Variants in DYM observed in about 807,000 individuals in gnomAD.
DYM encodes dyggve-Melchior-Clausen syndrome protein.
DYM carries 78 observed loss-of-function variants against 93.1 expected under a neutral mutation model. The observed-to-expected ratio is 0.84, with a 90% CI of 0.70 to 1.01. The LOEUF (loss-of-function observed/expected upper bound fraction) is 1.01. Ranked by LOEUF, DYM falls within the 50% of genes least tolerant of loss-of-function variation. The pLI, the probability that DYM is intolerant of heterozygous loss-of-function variation, is 0.00. For synonymous variants in DYM, 321 were observed against 319.7 expected (o/e 1.00, Z -0.04); for missense variants, 789 against 845.0 (o/e 0.93, Z 0.82).
intron 2 of DYM, among the ~76,000 whole-genome samples, chr18:49,405,063 C>T (rs1230668361): frequency 6.6e-6 from 1 of 150,586 alleles, no homozygotes; most frequent in East Asian, 1.9e-4. Context: ...ATTGTCCATT[C>T]ATGCCTTTTC....
At chr18:49,332,935 CAG>C (rs1409774791) in intron 7 of DYM, among the ~76,000 whole-genome samples, 2 of 152,134 alleles carry the variant, frequency 1.3e-5, no homozygotes, top group African/African-American at 4.8e-5. Context: ...GTGTCTCTGT[CAG>C]AGAGGGTTCC....
At chr18:49,224,841 AC>A (rs1232694607) in intron 13 of DYM, among the ~76,000 whole-genome samples, 3 of 152,112 alleles carry the variant, frequency 2.0e-5, no homozygotes, top group Non-Finnish European at 4.4e-5. Flanking sequence ...AGAAATGCCA[AC>A]ATTTAAAGTA....
rs894822664 is a variant in DYM, at chr18:49,040,360, G to C, written c.*3695C>G. Among the ~76,000 whole-genome samples, 2 of 152,136 alleles carry C rather than the reference G, an allele frequency of 1.3e-5. No homozygotes were observed. Among genetic ancestry groups the C allele is most frequent in the Non-Finnish European group, 2.9e-5 (2 of 68,020 alleles). On this transcript the variant is annotated 3_prime_UTR_variant, in exon 18 of 18. Transcript: ENST00000675505. ...AGGGGTTGAGTATGACCTGGCCAAG[G>C]GTCTTGGGGCTACTGGTGAGTCTCC...
chr18:49,444,033 C>A (rs1453749612), intron 1 of DYM, among the ~76,000 whole-genome samples: 1 of 152,112 alleles, frequency 6.6e-6, no homozygotes, highest in Non-Finnish European at 1.5e-5. Context: ...AGATGTGTAA[C>A]AACTGATGGT....
At chr18:49,441,692 G>A (rs1000461750) in intron 1 of DYM, among the ~76,000 whole-genome samples, 6 of 151,950 alleles carry the variant, frequency 3.9e-5, no homozygotes, top group Admixed American at 6.6e-5. Flanking sequence ...TGAACCAGCC[G>A]ACCTGAGGAA....
At chr18:49,364,084 C>T (rs1202236468) in intron 5 of DYM, among the ~76,000 whole-genome samples, 2 of 152,208 alleles carry the variant, frequency 1.3e-5, no homozygotes, top group Non-Finnish European at 2.9e-5. Flanking sequence ...CAGAGTTCCA[C>T]CATTGTCATG....
intron 15 of DYM, among the ~76,000 whole-genome samples, chr18:49,121,156 G>A (rs956039577): frequency 2.0e-5 from 3 of 152,188 alleles, no homozygotes; most frequent in Admixed American, 6.5e-5. Flanking sequence ...TACAAAATTT[G>A]TTTGAATTGA....
At chr18:49,251,454 T>C (rs2094285796) in intron 13 of DYM, among the ~76,000 whole-genome samples, 1 of 152,164 alleles carries the variant, frequency 6.6e-6, no homozygotes, top group Non-Finnish European at 1.5e-5. Flanking sequence ...TAGGTGACTG[T>C]GGTGAGGGCC....
At chr18:49,050,281 G>C (rs777496181) in intron 17 of DYM, among the ~76,000 whole-genome samples, 2 of 151,482 alleles carry the variant, frequency 1.3e-5, no homozygotes, top group Non-Finnish European at 2.9e-5. Flanking sequence ...AGTAGAGACG[G>C]GGTTTCTCCA....
At chr18:49,363,061 A>G (rs1254475606) in intron 6 of DYM, 100 bp downstream of exon 6, 10 of 902,576 alleles carry the variant, frequency 1.1e-5, no homozygotes, top group African/African-American at 6.6e-5. Context: ...AGGCACACAT[A>G]TAAGTTCTAT....
chr18:49,427,657 A>G (rs1163115839), intron 2 of DYM, among the ~76,000 whole-genome samples: 1 of 152,214 alleles, frequency 6.6e-6, no homozygotes, highest in Non-Finnish European at 1.5e-5. Flanking sequence ...AGTGTCTATT[A>G]ATTTCTGAAT....
intron 13 of DYM, among the ~76,000 whole-genome samples, chr18:49,226,681 T>G (rs1163086025): frequency 6.6e-6 from 1 of 152,120 alleles, no homozygotes; most frequent in African/African-American, 2.4e-5. Context: ...TGAAAATAAT[T>G]TATTGATTAG....
chr18:49,323,004 G>A (rs1018675833), intron 8 of DYM, among the ~76,000 whole-genome samples: 1 of 152,146 alleles, frequency 6.6e-6, no homozygotes, highest in Admixed American at 6.5e-5. Context: ...AACATCTACA[G>A]TCCAGTACGT....
intron 15 of DYM, among the ~76,000 whole-genome samples, chr18:49,141,689 C>A (rs559849473): frequency 2.2e-4 from 33 of 152,216 alleles, no homozygotes; most frequent in Non-Finnish European, 4.6e-4. Context: ...AGGATTCTTG[C>A]GATTCTCTTG....
intron 10 of DYM, among the ~76,000 whole-genome samples, chr18:49,280,629 C>T (rs966391215): frequency 3.9e-5 from 6 of 152,154 alleles, no homozygotes; most frequent in Admixed American, 6.6e-5. Flanking sequence ...AGGGACGCTG[C>T]GGTGTCCTGC....
chr18:49,329,759 GAAAAGAAA>G (rs1156927847), intron 8 of DYM: 1 of 152,212 alleles, frequency 6.6e-6, no homozygotes, highest in East Asian at 1.9e-4. Context: ...ACACTGCTAT[GAAAAGAAA>G]TGCTTGCTAT....
rs1378602212 is a variant in DYM at position 49,203,347 on chromosome 18, G to T, written c.1625+6204C>A. On this transcript the variant is annotated intron_variant, in intron 14 of 17. Coordinates refer to ENST00000675505, the MANE Select transcript of DYM (RefSeq NM_001353214.3). ...TCTGCCCGGCCACCACCCCGTCTGG[G>T]AGGTGTGCCCAACAGCTCATTGAGA... Among the ~76,000 whole-genome samples the T allele has an allele frequency of 9.9e-5, 11 of 111,120 alleles. 1 individual carries two copies. Among genetic ancestry groups the T allele is most frequent in the African/African-American group, 1.4e-4 (4 of 29,390 alleles). 72.9% of individuals were successfully genotyped at this position (111,120 alleles called of 152,430 possible).
intron 8 of DYM, among the ~76,000 whole-genome samples, chr18:49,322,416 C>G (rs1429538735): frequency 6.6e-6 from 1 of 152,052 alleles, no homozygotes; most frequent in Non-Finnish European, 1.5e-5. Flanking sequence ...AAAGTCAACA[C>G]TTCCTTGCTT....
At chr18:49,292,347 GACAGACAGACAC>G (rs1568187565) in intron 8 of DYM, among the ~76,000 whole-genome samples, 50 of 68,384 alleles carry the variant, frequency 7.3e-4, no homozygotes, top group Non-Finnish European at 1.6e-3. Flanking sequence ...CAGACAGACA[GACAGACAGACAC>G]ACACACACAC....
Sources: allele counts gnomAD v4.1 joint callset (sites outside exome capture counted in the v4.1 genomes callset), GRCh38; gene constraint gnomAD v4.1.1; transcripts MANE v1.5; gene names NCBI Gene and HGNC (gene_info 2026-07-23, HGNC 2026-07-21).